The following KCNH6 variants were observed in gnomAD, a reference collection of about 807,000 sequenced individuals.
KCNH6 encodes the protein voltage-gated inwardly rectifying potassium channel KCNH6.
A neutral mutation model predicts 83.4 loss-of-function variants in KCNH6; 81 were observed. The observed-to-expected ratio is 0.97, with a 90% CI of 0.81 to 1.17. The LOEUF (loss-of-function observed/expected upper bound fraction) is 1.17. Among genes scored for constraint, KCNH6 ranks in the 50% most tolerant of loss-of-function variants. The pLI is 0.00. For synonymous variants in KCNH6, 503 were observed against 545.6 expected (o/e 0.92, Z 1.09); for missense variants, 1,203 against 1,290.5 (o/e 0.93, Z 1.04).
intron 12 of KCNH6, 119 bp from the exon 13 acceptor site, chr17:63,545,490 G>A: frequency 8.9e-7 from 1 of 1,122,176 alleles, no homozygotes; most frequent in Non-Finnish European, 1.3e-6. Context: ...GGCCAGGGCA[G>A]CAGGACCCTG....
chr17:63,528,776 C>T (rs933327487), intron 2 of KCNH6, among the ~76,000 whole-genome samples: 2 of 152,196 alleles, frequency 1.3e-5, no homozygotes, highest in African/African-American at 4.8e-5. Flanking sequence ...ATAGGACTCC[C>T]ATGGAGAGGG....
In KCNH6 at chr17:63,538,669, C is replaced by T; in HGVS notation, c.1954+7C>T. 1 of 1,572,606 alleles carries T rather than the reference C, an allele frequency of 6.4e-7. No homozygotes were observed. The highest frequency in any genetic ancestry group is 1.2e-5 in the South Asian group (1 of 85,214). The stretch of plus-strand genomic sequence containing the variant: ...GTGGTCGTGGCCATCCTAGGTGGGT[C>T]CGGCGGAGTGGACCAGGCCTGTGTT... On this transcript the variant is annotated splice_region_variant and intron_variant, in intron 8 of 12. Transcript: ENST00000314672. The surrounding 1 kb of genome is among the most constrained non-coding windows in gnomAD (Gnocchi z 4.0).
At chr17:63,536,979 A>G (rs967984648) in intron 6 of KCNH6, among the ~76,000 whole-genome samples, 2 of 145,976 alleles carry the variant, frequency 1.4e-5, no homozygotes, top group Non-Finnish European at 3.0e-5. Flanking sequence ...AAAAAAAAAG[A>G]ATTTTTCGAC....
At chr17:63,537,309 G>A (rs1033111207) in intron 6 of KCNH6, among the ~76,000 whole-genome samples, 1 of 152,182 alleles carries the variant, frequency 6.6e-6, no homozygotes, top group Non-Finnish European at 1.5e-5. Context: ...AAGAGTCAGC[G>A]TGGAATTTTA....
chr17:63,536,319 A>C, intron 6 of KCNH6: 1 of 524,222 alleles, frequency 1.9e-6, no homozygotes, highest in Non-Finnish European at 3.4e-6. Context: ...CCCAGAGCAA[A>C]ATGAAATTGT....
chr17:63,523,616 C>A lies in KCNH6; in HGVS notation c.76+127C>A. 1.3e-6 allele frequency: 1 copy of A among 791,596 alleles called. No individual in the cohort carries two copies. The allele number at this position is 791,596 out of a possible 1,614,324, so 49.0% of individuals were successfully genotyped here. On this transcript the variant is annotated intron_variant, in intron 1 of 12. Coordinates refer to ENST00000314672, the MANE Select transcript of KCNH6 (RefSeq NM_001278919.2). The surrounding 1 kb of genome is among the most constrained non-coding windows in gnomAD (Gnocchi z 4.2). ...AGTGCCGGGTGCTGAATGAAAAATC[C>A]TTCTTTTGATGTCCCCAACACCTTC...
Position 63,535,830 on chromosome 17 carries a change from C to T in KCNH6, c.1263C>T (p.Ala421=). ...IAHWLACIWY[A]IGNVERPYLE... The stretch of plus-strand genomic sequence containing the variant: ...ACTGGCTGGCCTGCATCTGGTACGC[C>T]ATCGGCAATGTGGAGCGGCCCTACC... Residue 421 remains alanine, a synonymous_variant, in exon 6 of 13, where the codon GCC becomes GCT. Coordinates refer to ENST00000314672, the MANE Select transcript of KCNH6 (RefSeq NM_001278919.2). This position sits in a 1 kb window ranked among gnomAD's most constrained non-coding sequence, Gnocchi z 4.9. The T allele has an allele frequency of 3.1e-6, 5 of 1,614,214 alleles. No individual in the cohort carries two copies. The highest frequency in any genetic ancestry group is 4.2e-6 in the Non-Finnish European group (5 of 1,180,046).
At chr17:63,540,435 A>C (rs541923382) in intron 8 of KCNH6, among the ~76,000 whole-genome samples, 1 of 152,182 alleles carries the variant, frequency 6.6e-6, no homozygotes, top group Non-Finnish European at 1.5e-5. Flanking sequence ...CTGTCTTTAA[A>C]AAAAAAAAGT....
Position 63,545,713 on chromosome 17 carries a change from C to T in KCNH6, c.2688C>T (p.Ser896=), listed in dbSNP as rs767359698. 4.3e-6 allele frequency: 7 copies of T among 1,614,070 alleles called. 1 individual carries two copies. In the South Asian group the frequency reaches 7.7e-5, roughly 18 times the overall value. Residue 896 remains serine, a synonymous_variant, in exon 13 of 13, where the codon TCC becomes TCT. Transcript: ENST00000314672. ...AVATDKTLAP[S]SEQEQPEGLW... ...CAACGGACAAAACTCTGGCACCATC[C>T]TCAGAACAGGAACAGCCTGAGGGGC...
chr17:63,546,975 G>T (rs770491032), downstream of KCNH6, among the ~76,000 whole-genome samples: 33 of 152,122 alleles, frequency 2.2e-4, no homozygotes, highest in Non-Finnish European at 2.1e-4. Flanking sequence ...GGTAGCACTC[G>T]CCCCGTACCA....
chr17:63,537,415 A>G (rs2032566745), intron 6 of KCNH6, among the ~76,000 whole-genome samples: 1 of 152,160 alleles, frequency 6.6e-6, no homozygotes, highest in Admixed American at 6.5e-5. Flanking sequence ...CAAGAAATTG[A>G]GAGTTTGCTC....
Position 63,545,758 on chromosome 17 carries a change from A to G in KCNH6, c.2733A>G (p.Ser911=). Residue 911 remains serine, a synonymous_variant, in exon 13 of 13, where the codon TCA becomes TCG. Transcript: ENST00000314672. ...QPEGLWPPLA[S]PLHPLEVQGL... Reference sequence around the variant, plus strand: ...AGGGGCTCTGGCCACCCCTAGCCTCACCTCTACATCCCCTGGAAGTACAAG... The same window carrying G: ...AGGGGCTCTGGCCACCCCTAGCCTCGCCTCTACATCCCCTGGAAGTACAAG... 4 of 1,613,990 alleles carry G rather than the reference A, an allele frequency of 2.5e-6. No individual in the cohort carries two copies. The highest frequency in any genetic ancestry group is 3.4e-6 in the Non-Finnish European group (4 of 1,179,998).
rs572301743 is a variant in KCNH6, at chr17:63,544,529, C to A, written c.2396+118C>A. 341 of 789,192 alleles carry A rather than the reference C, an allele frequency of 4.3e-4. 1 individual carries two copies. The Middle Eastern group carries it at 0.013, about 29-fold the overall frequency. 48.9% of individuals were successfully genotyped at this position (789,192 alleles called of 1,614,324 possible). ...TGGGGCAGGCCATTTAGCTGCAGGT[C>A]TCCCCATACCTGTCATTAAGCACAA... On this transcript the variant is annotated intron_variant, in intron 11 of 12. Transcript: ENST00000314672.
chr17:63,547,804 T>C (rs149624390), downstream of KCNH6, among the ~76,000 whole-genome samples: 167 of 151,802 alleles, frequency 1.1e-3, 1 homozygote, highest in African/African-American at 4.0e-3. Flanking sequence ...TTTTTTTTAA[T>C]TAGCCAAGCA....
At position 63,533,863 on chromosome 17, in the gene KCNH6, C is replaced by A; in HGVS notation, c.676-23C>A. The A allele has an allele frequency of 6.3e-7, 1 of 1,599,476 alleles. No homozygotes were observed. Among genetic ancestry groups the A allele is most frequent in the Non-Finnish European group, 8.5e-7 (1 of 1,173,102 alleles). ...CCAGCAGTGGCTGCCCCGTGCCTGA[C>A]CTCCCTCGGCCCCCACCCCCAGGTC... On this transcript the variant is annotated intron_variant, in intron 4 of 12. Coordinates refer to ENST00000314672, the MANE Select transcript of KCNH6 (RefSeq NM_001278919.2). The surrounding 1 kb of genome is among the most constrained non-coding windows in gnomAD (Gnocchi z 4.1).
chr17:63,525,024 G>A (rs2031613424), intron 2 of KCNH6, among the ~76,000 whole-genome samples: 1 of 152,190 alleles, frequency 6.6e-6, no homozygotes, highest in Admixed American at 6.5e-5. Context: ...CTGGCAGCAT[G>A]GGTGGGAACG....
intron 2 of KCNH6, among the ~76,000 whole-genome samples, chr17:63,527,075 G>T (rs2031766444): frequency 6.6e-6 from 1 of 152,112 alleles, no homozygotes; most frequent in African/African-American, 2.4e-5. Context: ...CTGCCCGGGA[G>T]CCCACCCCAG....
intron 6 of KCNH6, 75 bp downstream of exon 6, chr17:63,536,143 C>T: frequency 7.6e-7 from 1 of 1,320,482 alleles, no homozygotes; most frequent in Non-Finnish European, 1.1e-6. Flanking sequence ...TAGTTTTGTA[C>T]TGAGATAGAA....
Position 63,535,663 on chromosome 17 carries a change from C to T in KCNH6, c.1102-6C>T, listed in dbSNP as rs1568076828. ...CAGCCCTGTGACCATTTCCCTACCC[C>T]TCCAGACCACAACCCTGATTGGGCT... On this transcript the variant is annotated splice_polypyrimidine_tract_variant and splice_region_variant and intron_variant, in intron 5 of 12. Transcript: ENST00000314672. The surrounding 1 kb of genome is among the most constrained non-coding windows in gnomAD (Gnocchi z 4.9). 5.6e-6 allele frequency: 9 copies of T among 1,594,622 alleles called. No homozygotes were observed. The highest frequency in any genetic ancestry group is 1.1e-5 in the South Asian group (1 of 88,502).
Sources: allele counts gnomAD v4.1 joint callset (sites outside exome capture counted in the v4.1 genomes callset), GRCh38; gene constraint gnomAD v4.1.1; non-coding constraint Gnocchi (gnomAD v3.1); transcripts MANE v1.5; gene names NCBI Gene and HGNC (gene_info 2026-07-23, HGNC 2026-07-21).